Variants in DPP4 observed in about 807,000 individuals in gnomAD.
The protein encoded by DPP4 is ADCP-2.
DPP4 carries 93 observed loss-of-function variants against 122.4 expected under a neutral mutation model. The observed-to-expected ratio is 0.76, with a 90% CI of 0.64 to 0.90. The LOEUF is 0.90. Ranked by LOEUF, DPP4 falls within the 40% of genes least tolerant of loss-of-function variation. The pLI is 0.00. For synonymous variants in DPP4, 321 were observed against 302.9 expected (o/e 1.06, Z -0.62); for missense variants, 914 against 907.3 (o/e 1.01, Z -0.09).
chr2:162,019,274 T>C lies in DPP4; in HGVS notation c.1247A>G (p.Tyr416Cys). Residue 416 changes from tyrosine (Y) to cysteine (C), a missense_variant and splice_region_variant, in exon 15 of 26, where the codon TAC becomes TGC. Transcript: ENST00000360534. ...GIEALTSDYL[Y>C]YISNEYKGMP... ...TCCTTTATATTCATTACTAATGTAG[T>C]ATCTAGGAAGAGAAAAAAATGAAAT... The C allele has an allele frequency of 6.5e-7, 1 of 1,535,682 alleles. No individual in the cohort carries two copies. Among genetic ancestry groups the C allele is most frequent in the Non-Finnish European group, 9.0e-7 (1 of 1,117,116 alleles).
At chr2:161,993,638 G>A (rs1700921334) in intron 25 of DPP4, among the ~76,000 whole-genome samples, 1 of 152,112 alleles carries the variant, frequency 6.6e-6, no homozygotes. Flanking sequence ...AACTCACTGT[G>A]AATTTGGCTT....
At chr2:161,996,767 A>T (rs925044299) in intron 23 of DPP4, among the ~76,000 whole-genome samples, 1 of 152,156 alleles carries the variant, frequency 6.6e-6, no homozygotes, top group African/African-American at 2.4e-5. Context: ...TTAATCTCTT[A>T]TGGTGCCTAA....
chr2:162,073,967 G>A lies in DPP4; in HGVS notation c.6+9C>T. ...CTCGCCCCGGGGACGTACGTGGCGC[G>A]GCACTCACCTTCATCGTCGGCGTCT... On this transcript the variant is annotated intron_variant, in intron 1 of 25. Coordinates refer to ENST00000360534, the MANE Select transcript of DPP4 (RefSeq NM_001935.4). 1 of 1,612,052 alleles carries A rather than the reference G, an allele frequency of 6.2e-7. No individual in the cohort carries two copies. The highest frequency in any genetic ancestry group is 8.5e-7 in the Non-Finnish European group (1 of 1,179,048).
intron 11 of DPP4, 31 bp from the exon 12 acceptor site, chr2:162,022,830 T>G: frequency 6.2e-7 from 1 of 1,612,328 alleles, no homozygotes; most frequent in South Asian, 1.1e-5. Context: ...TGACAGCATT[T>G]CAAAGAGAAG....
intron 20 of DPP4, among the ~76,000 whole-genome samples, chr2:162,009,513 T>TTTTGTG (rs1553661485): frequency 1.2e-4 from 18 of 144,384 alleles, no homozygotes; most frequent in Non-Finnish European, 2.6e-4. Flanking sequence ...TTCATAAAAA[T>TTTTGTG]TGTGTGTGTG....
At chr2:162,017,533 C>A (rs1227127527) in intron 16 of DPP4, 1 of 180,462 alleles carries the variant, frequency 5.5e-6, no homozygotes, top group Non-Finnish European at 1.2e-5. Context: ...TCAGGCTCTG[C>A]CCAGGTGGGC....
intron 2 of DPP4, among the ~76,000 whole-genome samples, chr2:162,061,426 TCTC>T (rs1684767317): frequency 1.3e-5 from 2 of 152,250 alleles, no homozygotes; most frequent in African/African-American, 2.4e-5. Context: ...TTCATTTCTC[TCTC>T]CTCATCTTAT....
chr2:162,048,050 G>A (rs1684251771), intron 2 of DPP4, among the ~76,000 whole-genome samples: 1 of 152,134 alleles, frequency 6.6e-6, no homozygotes, highest in Non-Finnish European at 1.5e-5. Flanking sequence ...AACGACTACT[G>A]TAGTGGATGG....
intron 2 of DPP4, among the ~76,000 whole-genome samples, chr2:162,052,358 G>A (rs1213167338): frequency 6.7e-6 from 1 of 149,340 alleles, no homozygotes; most frequent in African/African-American, 2.5e-5. Context: ...GGACAGGGGC[G>A]CTGGAGGGAA....
At chr2:162,017,503 C>T (rs1682967626) in intron 16 of DPP4, 1 of 202,132 alleles carries the variant, frequency 4.9e-6, no homozygotes, top group East Asian at 1.2e-4. Flanking sequence ...CACTCTAAAT[C>T]CGTGATCCCA....
chr2:162,027,862 G>A (rs73007394), intron 10 of DPP4, among the ~76,000 whole-genome samples: 122 of 152,170 alleles, frequency 8.0e-4, no homozygotes, highest in African/African-American at 2.8e-3. Flanking sequence ...TCAGATCAAA[G>A]GTTTATGGTC....
chr2:162,035,865 C>T (rs990381341), intron 8 of DPP4, among the ~76,000 whole-genome samples: 6 of 152,042 alleles, frequency 3.9e-5, no homozygotes, highest in Admixed American at 3.9e-4. Flanking sequence ...CCATTGAGAC[C>T]CCTACTGAGA....
chr2:162,044,558 A>C (rs139640915), intron 5 of DPP4, among the ~76,000 whole-genome samples: 296 of 152,148 alleles, frequency 1.9e-3, no homozygotes, highest in African/African-American at 6.4e-3. Context: ...CAGGGGTGGG[A>C]ATCCCCAGCT....
Position 162,020,565 on chromosome 2 carries a change from A to G in DPP4, c.1176+16T>C. On this transcript the variant is annotated intron_variant, in intron 13 of 25. Transcript: ENST00000360534. ...AAAAGAGGTCAACATGAAATAAAAT[A>G]TGTAAGAATACTCACTTTTTTATCT... 6.4e-7 allele frequency: 1 copy of G among 1,562,240 alleles called. No homozygotes were observed. Among genetic ancestry groups the G allele is most frequent in the African/African-American group, 1.4e-5 (1 of 72,362 alleles).
At chr2:162,023,521 T>C (rs368207016) in intron 11 of DPP4, among the ~76,000 whole-genome samples, 49 of 152,336 alleles carry the variant, frequency 3.2e-4, no homozygotes, top group African/African-American at 1.1e-3. Flanking sequence ...CTATTCACAC[T>C]GGATGCCTTT....
chr2:162,069,452 G>A (rs1328018916), intron 2 of DPP4, among the ~76,000 whole-genome samples: 4 of 152,158 alleles, frequency 2.6e-5, no homozygotes, highest in African/African-American at 7.2e-5. Context: ...CATCAACTGA[G>A]TAGTCTTCAT....
rs747418170 is a variant in DPP4, at chr2:162,016,796, T to G, written c.1539A>C (p.Lys513Asn). The change falls in exon 18 of 26, where the codon AAA becomes AAC. Residue 513 changes from lysine to asparagine, a missense_variant. Lys to Asn is a moderately conservative substitution (Grantham distance 94). Transcript: ENST00000360534. ...TTTCATTCAAAATAATGAAGTCCAG[T>G]TTTTTGGAGGGCATCTGGACATTCT... is the stretch of plus-strand genomic sequence containing the variant. ...MLQNVQMPSKKLDFIILNETK... is the reference protein window; with the variant it reads ...MLQNVQMPSKNLDFIILNETK... 1 of 1,612,282 alleles carries G rather than the reference T, an allele frequency of 6.2e-7. No individual in the cohort carries two copies. Among genetic ancestry groups the G allele is most frequent in the Admixed American group, 1.7e-5 (1 of 59,608 alleles).
At chr2:162,004,072 G>A (rs1297585536) in intron 23 of DPP4, among the ~76,000 whole-genome samples, 2 of 152,050 alleles carry the variant, frequency 1.3e-5, no homozygotes, top group Non-Finnish European at 1.5e-5. Context: ...GGCACAAAAG[G>A]GAAAGCCACA....
chr2:162,016,635 C>T lies in DPP4; in HGVS notation c.1567+133G>A, dbSNP rs1476233799. ...AAAATTAGTATTTCTTGTGACAAAA[C>T]ATTTCATGGAGAAATAACCTTTTAA... is the stretch of plus-strand genomic sequence containing the variant. On this transcript the variant is annotated intron_variant, in intron 18 of 25. Transcript: ENST00000360534. 48 of 554,320 alleles carry T rather than the reference C, an allele frequency of 8.7e-5. No homozygotes were observed. In the East Asian group the frequency reaches 1.5e-3, roughly 18 times the overall value. 34.3% of individuals were successfully genotyped at this position (554,320 alleles called of 1,614,324 possible).
Sources: gnomAD v4.1 joint callset for allele counts (sites outside exome capture counted in the v4.1 genomes callset) on GRCh38, gnomAD v4.1.1 for gene constraint, MANE v1.5 for transcripts, NCBI Gene and HGNC (gene_info 2026-07-23, HGNC 2026-07-21) for gene names.